Variants in PLEKHA1 observed in about 807,000 individuals in gnomAD.
The protein encoded by PLEKHA1 is pleckstrin homology domain containing A1.
A neutral mutation model predicts 52.0 loss-of-function variants in PLEKHA1; 34 were observed. The ratio of observed to expected loss-of-function variants is 0.65; its 90% CI spans 0.50 to 0.87. PLEKHA1 has a LOEUF of 0.87. Ranked by LOEUF, PLEKHA1 falls within the 40% of genes least tolerant of loss-of-function variation. PLEKHA1 has a pLI of 0.00. For synonymous variants in PLEKHA1, 163 were observed against 170.7 expected (o/e 0.95, Z 0.35); for missense variants, 497 against 504.2 (o/e 0.99, Z 0.14).
rs1269881388 is a variant in PLEKHA1 at position 122,431,002 on chromosome 10, A to G, written c.*1064A>G. 2 of 152,648 alleles carry G rather than the reference A, an allele frequency of 1.3e-5. No homozygotes were observed. The highest frequency in any genetic ancestry group is 2.9e-5 in the Non-Finnish European group (2 of 68,042). The allele number at this position is 152,648 out of a possible 1,614,324, so 9.5% of individuals were successfully genotyped here. On this transcript the variant is annotated 3_prime_UTR_variant, in exon 12 of 12. Transcript: ENST00000368990. ...AATGCTGGTATTCTACTACTTGTGCAATATATATGTTTTAAAAAACAAATT... is the reference window on the plus strand; with the variant it reads ...AATGCTGGTATTCTACTACTTGTGCGATATATATGTTTTAAAAAACAAATT...
intron 4 of PLEKHA1, 65 bp from the exon 5 acceptor site, chr10:122,406,511 A>C: frequency 7.6e-7 from 1 of 1,308,758 alleles, no homozygotes; most frequent in Non-Finnish European, 1.1e-6. Context: ...TTTTTCAGCT[A>C]CTGCAAACAT....
chr10:122,412,968 C>T lies in PLEKHA1; in HGVS notation c.391C>T (p.His131Tyr). ...GCCTAATTCTGATAACCTAAGTCGC[C>T]ATGGTGAATGTGGGAAAAAGCAAGT... ...SQPNSDNLSR[H>Y]GECGKKQVSY... The change falls in exon 6 of 12, where the codon CAT becomes TAT. Residue 131 changes from histidine to tyrosine, a missense_variant. His to Tyr is a moderately conservative substitution (Grantham distance 83, BLOSUM62 2). Transcript: ENST00000368990. The T allele has an allele frequency of 1.9e-6, 3 of 1,613,382 alleles. No homozygotes were observed. The South Asian group carries it at 3.3e-5, about 18-fold the overall frequency.
At chr10:122,385,640 A>T (rs7084718) in intron 1 of PLEKHA1, among the ~76,000 whole-genome samples, 1 of 151,784 alleles carries the variant, frequency 6.6e-6, no homozygotes, top group African/African-American at 2.4e-5. Flanking sequence ...TTTGTACTTA[A>T]TATTACGATT....
chr10:122,399,357 C>A (rs1398249614), intron 3 of PLEKHA1, among the ~76,000 whole-genome samples: 1 of 152,046 alleles, frequency 6.6e-6, no homozygotes, highest in South Asian at 2.1e-4. Flanking sequence ...CTGGGAGGTA[C>A]TTGATTTAAA....
intron 1 of PLEKHA1, among the ~76,000 whole-genome samples, chr10:122,384,427 T>C (rs1166811857): frequency 2.0e-5 from 3 of 151,300 alleles, no homozygotes; most frequent in Non-Finnish European, 4.4e-5. Context: ...GCTAACACGG[T>C]GAAACCCCGT....
At chr10:122,397,782 A>G (rs1391500736) in intron 2 of PLEKHA1, 136 bp from the exon 3 acceptor site, 1 of 659,416 alleles carries the variant, frequency 1.5e-6, no homozygotes, top group East Asian at 2.8e-5. Flanking sequence ...AAATTTGAAC[A>G]GAAGAAAAGT....
chr10:122,380,626 T>C (rs1425008625), intron 1 of PLEKHA1, among the ~76,000 whole-genome samples: 1 of 152,110 alleles, frequency 6.6e-6, no homozygotes, highest in East Asian at 1.9e-4. Context: ...GTGGTCTTTA[T>C]GAGGGCTTTG....
At chr10:122,429,528 GTGTT>G in intron 11 of PLEKHA1, 92 bp from the exon 12 acceptor site, 2 of 802,720 alleles carry the variant, frequency 2.5e-6, no homozygotes, top group Non-Finnish European at 3.8e-6. Flanking sequence ...GTGTGTGTGT[GTGTT>G]TTATTTGTTT....
At position 122,396,082 on chromosome 10, in the gene PLEKHA1, G is replaced by T. The variant is rs2096845648; in HGVS notation, c.142-1836G>T. On this transcript the variant is annotated intron_variant, in intron 2 of 11. Transcript: ENST00000368990. ...ACAGAAACTGCGTATTTTGAATATTGTTTTTCTCTCAGCTACTTAAATTTC... is the reference window on the plus strand; with the variant it reads ...ACAGAAACTGCGTATTTTGAATATTTTTTTTCTCTCAGCTACTTAAATTTC... 1.3e-4 allele frequency among the ~76,000 whole-genome samples: 20 copies of T among 151,816 alleles called. No individual in the cohort carries two copies. The South Asian group carries it at 4.1e-3, about 31-fold the overall frequency.
intron 5 of PLEKHA1, among the ~76,000 whole-genome samples, chr10:122,408,559 ATTAC>A (rs1161728241): frequency 6.6e-6 from 1 of 152,308 alleles, no homozygotes; most frequent in African/African-American, 2.4e-5. Flanking sequence ...AGAAATCCTT[ATTAC>A]TTAATAAAGT....
intron 1 of PLEKHA1, among the ~76,000 whole-genome samples, chr10:122,376,627 G>C (rs2096542169): frequency 6.6e-6 from 1 of 151,880 alleles, no homozygotes; most frequent in Non-Finnish European, 1.5e-5. Flanking sequence ...GCTTTGGGAG[G>C]GGGGAAAGTA....
At chr10:122,404,300 A>G (rs1035247190) in intron 4 of PLEKHA1, among the ~76,000 whole-genome samples, 2 of 152,180 alleles carry the variant, frequency 1.3e-5, no homozygotes, top group Non-Finnish European at 2.9e-5. Flanking sequence ...CTTAAAGTAC[A>G]TGAGATTTTA....
intron 5 of PLEKHA1, among the ~76,000 whole-genome samples, chr10:122,411,466 C>T (rs2097105688): frequency 6.6e-6 from 1 of 152,180 alleles, no homozygotes; most frequent in East Asian, 1.9e-4. Context: ...ATTGTATACC[C>T]TCTTTTCTAC....
At chr10:122,427,752 C>T (rs2097360922) in intron 11 of PLEKHA1, among the ~76,000 whole-genome samples, 1 of 152,142 alleles carries the variant, frequency 6.6e-6, no homozygotes, top group African/African-American at 2.4e-5. Context: ...CCACTGATCT[C>T]AGGTCTGAAA....
intron 7 of PLEKHA1, chr10:122,417,000 G>A (rs1038328371): frequency 6.5e-6 from 1 of 154,112 alleles, no homozygotes; most frequent in Non-Finnish European, 1.5e-5. Context: ...ATGCTCAGTT[G>A]TGTGTAGATT....
In PLEKHA1 at chr10:122,405,841, C is replaced by T. The variant is rs189046621; in HGVS notation, c.245-735C>T. 1.6e-4 allele frequency among the ~76,000 whole-genome samples: 24 copies of T among 152,176 alleles called. No homozygotes were observed. The East Asian group carries it at 3.9e-3, about 25-fold the overall frequency. On this transcript the variant is annotated intron_variant, in intron 4 of 11. Coordinates refer to ENST00000368990, the MANE Select transcript of PLEKHA1 (RefSeq NM_001001974.4). ...GGCTGGCATAGGGGGCAGGAAAAGGCTCCTAACAGTAGCTAGTTGTGTGCT... is the reference window on the plus strand; with the variant it reads ...GGCTGGCATAGGGGGCAGGAAAAGGTTCCTAACAGTAGCTAGTTGTGTGCT...
At position 122,393,890 on chromosome 10, in the gene PLEKHA1, T is replaced by G. The variant is rs1238405364; in HGVS notation, c.141+549T>G. ...CATATGTAGTCCTTTTATTTTGTAG[T>G]GTCAGATTTGAGTCAGTCATTGTAA... On this transcript the variant is annotated intron_variant, in intron 2 of 11. Coordinates refer to ENST00000368990, the MANE Select transcript of PLEKHA1 (RefSeq NM_001001974.4). This position sits in a 1 kb window ranked among gnomAD's most constrained non-coding sequence, Gnocchi z 4.5. Among the ~76,000 whole-genome samples, 1 of 152,124 alleles carries G rather than the reference T, an allele frequency of 6.6e-6. No homozygotes were observed. The highest frequency in any genetic ancestry group is 6.6e-5 in the Admixed American group (1 of 15,266).
At position 122,430,107 on chromosome 10, in the gene PLEKHA1, T is replaced by G; in HGVS notation, c.*169T>G. The G allele has an allele frequency of 1.5e-6, 1 of 678,900 alleles. No individual in the cohort carries two copies. Among genetic ancestry groups the G allele is most frequent in the Non-Finnish European group, 2.2e-6 (1 of 447,292 alleles). The allele number at this position is 678,900 out of a possible 1,614,324, so 42.1% of individuals were successfully genotyped here. ...CCAAGAATCTAGGGAGTGGCCAAAC[T>G]AAATATAATTTCTTTAAAAAAGAAA... is the stretch of plus-strand genomic sequence containing the variant. On this transcript the variant is annotated 3_prime_UTR_variant, in exon 12 of 12. Coordinates refer to ENST00000368990, the MANE Select transcript of PLEKHA1 (RefSeq NM_001001974.4).
chr10:122,434,633 A>G (rs1591005163), downstream of PLEKHA1: 1 of 151,456 alleles, frequency 6.6e-6, no homozygotes, highest in Non-Finnish European at 1.5e-5. Context: ...TTAGTTACAT[A>G]TGTATACATG....
Sources: gnomAD v4.1 joint callset for allele counts (sites outside exome capture counted in the v4.1 genomes callset) on GRCh38, gnomAD v4.1.1 for gene constraint, Gnocchi (gnomAD v3.1) non-coding constraint, MANE v1.5 for transcripts, NCBI Gene and HGNC (gene_info 2026-07-23, HGNC 2026-07-21) for gene names.